Variants in ASTN2 observed in about 807,000 individuals in gnomAD.
The protein encoded by ASTN2 is astrotactin 2, also known as astrotactin-2.
In ASTN2, 54 loss-of-function variants were observed where a neutral mutation model predicts 139.8. The observed-to-expected ratio is 0.39, with a 90% CI of 0.31 to 0.48. The LOEUF is 0.48. ASTN2 is among the 20% of genes least tolerant of loss of function. The pLI, the probability that ASTN2 is intolerant of heterozygous loss-of-function variation, is 0.95. For missense variants in ASTN2, 1,565 were observed against 1,725.1 expected (o/e 0.91, Z 1.64); for synonymous variants, 756 against 719.5 (o/e 1.05, Z -0.81).
chr9:117,024,656 C>T (rs1838003064), intron 6 of ASTN2, among the ~76,000 whole-genome samples: 1 of 152,094 alleles, frequency 6.6e-6, no homozygotes, highest in African/African-American at 2.4e-5. Context: ...GGGATGCTCA[C>T]CTCCTCTGCA....
intron 19 of ASTN2, among the ~76,000 whole-genome samples, chr9:116,555,179 C>T (rs577338343): frequency 6.6e-6 from 1 of 152,250 alleles, no homozygotes; most frequent in African/African-American, 2.4e-5. Flanking sequence ...GGCTAAAGTG[C>T]CCTTTAACTT....
At chr9:117,359,443 G>A (rs76177637) in intron 1 of ASTN2, among the ~76,000 whole-genome samples, 1 of 152,302 alleles carries the variant, frequency 6.6e-6, no homozygotes, top group East Asian at 1.9e-4. Flanking sequence ...TCTTCACGAT[G>A]TATCTGTTGC....
chr9:116,436,271 G>A (rs971305060), intron 22 of ASTN2, among the ~76,000 whole-genome samples: 2 of 152,172 alleles, frequency 1.3e-5, no homozygotes, highest in African/African-American at 4.8e-5. Context: ...TTCCATCTGT[G>A]ATCTAAAGAT....
intron 4 of ASTN2, among the ~76,000 whole-genome samples, chr9:117,138,911 A>G (rs1379890671): frequency 6.6e-6 from 1 of 152,226 alleles, no homozygotes; most frequent in Non-Finnish European, 1.5e-5. Flanking sequence ...ATGATGAAAT[A>G]TTAGGAGCAG....
intron 10 of ASTN2, among the ~76,000 whole-genome samples, chr9:116,877,224 A>T (rs1185817640): frequency 2.0e-5 from 3 of 152,200 alleles, no homozygotes; most frequent in African/African-American, 7.2e-5. Flanking sequence ...CTCCTTTGTT[A>T]GGTGTGCTCT....
rs375283976 is a variant in ASTN2 at position 116,976,728 on chromosome 9, A to G, written c.1649T>C (p.Val550Ala). 9 of 1,613,976 alleles carry G rather than the reference A, an allele frequency of 5.6e-6. No individual in the cohort carries two copies. In the African/African-American group the frequency reaches 1.2e-4, roughly 22 times the overall value. ...TTCACTCTGTCCCCAGTCACTGCGC[A>G]CACACAGGTGTCTGTGAACAGGGTC... ...APDPVHRHLC[V>A]RSDWGQSEGP... Residue 550 changes from valine (V) to alanine (A), a missense_variant, in exon 8 of 23, where the codon GTG (valine) becomes GCG (alanine). Physicochemically the swap from Val to Ala is moderately conservative, Grantham distance 64. Transcript: ENST00000313400.
chr9:117,319,820 G>A (rs1828271871), intron 1 of ASTN2, among the ~76,000 whole-genome samples: 1 of 151,748 alleles, frequency 6.6e-6, no homozygotes, highest in South Asian at 2.1e-4. Flanking sequence ...AAAAAATGAG[G>A]CCAAGAGATC....
chr9:117,016,597 TATATATCTATATCTATATCTATCTATCTA>T (rs1837685177), intron 6 of ASTN2, among the ~76,000 whole-genome samples: 14 of 13,574 alleles, frequency 1.0e-3, no homozygotes, highest in Admixed American at 4.8e-3. Context: ...AGGTTTTATA[TATATATCTATATCTATATCTATCTATCTA>T]TATATATATA....
intron 16 of ASTN2, among the ~76,000 whole-genome samples, chr9:116,654,148 G>A (rs12002707): frequency 0.043 from 6,525 of 152,254 alleles, 495 homozygotes; most frequent in African/African-American, 0.15. Flanking sequence ...ATTAGCCCAC[G>A]CTCTGGCCTA....
Position 117,301,581 on chromosome 9 carries a change from C to A in ASTN2, c.443-10068G>T, listed in dbSNP as rs1834876428. Among the ~76,000 whole-genome samples, 3 of 152,196 alleles carry A rather than the reference C, an allele frequency of 2.0e-5. No individual in the cohort carries two copies. In the South Asian group the frequency reaches 6.2e-4, roughly 31 times the overall value. ...ATTCAGTGTTTTCACCACTGTCCTACATAGGCTGAGAAAGGAGCTTGCATA... is the reference window on the plus strand; with the variant it reads ...ATTCAGTGTTTTCACCACTGTCCTAAATAGGCTGAGAAAGGAGCTTGCATA... On this transcript the variant is annotated intron_variant, in intron 1 of 22. Coordinates refer to ENST00000313400, the MANE Select transcript of ASTN2 (RefSeq NM_001365068.1).
intron 20 of ASTN2, among the ~76,000 whole-genome samples, chr9:116,480,347 G>T (rs1262282992): frequency 6.6e-6 from 1 of 152,176 alleles, no homozygotes; most frequent in Non-Finnish European, 1.5e-5. Flanking sequence ...CTGAATATTT[G>T]GTGAGAAAGT....
At chr9:116,523,968 G>A (rs1850986216) in intron 19 of ASTN2, among the ~76,000 whole-genome samples, 1 of 152,184 alleles carries the variant, frequency 6.6e-6, no homozygotes, top group Non-Finnish European at 1.5e-5. Context: ...TATGGCCAGT[G>A]CTGGGTGAAT....
At chr9:117,098,461 T>C (rs1298143711) in intron 4 of ASTN2, among the ~76,000 whole-genome samples, 1 of 152,154 alleles carries the variant, frequency 6.6e-6, no homozygotes. Flanking sequence ...CCATCCTTCC[T>C]TAAGACGGTA....
chr9:117,100,267 T>G (rs2132762694), intron 4 of ASTN2, among the ~76,000 whole-genome samples: 1 of 152,348 alleles, frequency 6.6e-6, no homozygotes, highest in East Asian at 1.9e-4. Flanking sequence ...TTCTGACCTT[T>G]ATTCCCTTCT....
chr9:117,104,480 A>C (rs914418980), intron 4 of ASTN2, among the ~76,000 whole-genome samples: 3 of 151,336 alleles, frequency 2.0e-5, no homozygotes, highest in Non-Finnish European at 2.9e-5. Flanking sequence ...TATGTAATAA[A>C]AATAAAGAAG....
chr9:116,501,079 T>A (rs1164989989), intron 19 of ASTN2, among the ~76,000 whole-genome samples: 4 of 152,178 alleles, frequency 2.6e-5, no homozygotes, highest in African/African-American at 4.8e-5. Context: ...ATAGCTGGGA[T>A]ATCTTCAGTA....
In ASTN2 at chr9:116,702,694, C is replaced by G. The variant is rs546354326; in HGVS notation, c.2806+23077G>C. Among the ~76,000 whole-genome samples, 43 of 152,168 alleles carry G rather than the reference C, an allele frequency of 2.8e-4. 1 individual carries two copies. The Middle Eastern group carries it at 0.024, about 84-fold the overall frequency. On this transcript the variant is annotated intron_variant, in intron 16 of 22. Transcript: ENST00000313400. ...GATAAAAAAGGATACTCAGACAAGC[C>G]CTTTTATAAGGTGTTTAAAAGCTAG... is the stretch of plus-strand genomic sequence containing the variant.
chr9:117,395,048 T>C (rs962355750), intron 1 of ASTN2, among the ~76,000 whole-genome samples: 2 of 152,172 alleles, frequency 1.3e-5, no homozygotes, highest in Non-Finnish European at 2.9e-5. Flanking sequence ...GACAGAAAGC[T>C]GTATGGGACC....
chr9:117,083,429 G>T (rs953881696), intron 5 of ASTN2, among the ~76,000 whole-genome samples: 2 of 152,102 alleles, frequency 1.3e-5, no homozygotes, highest in African/African-American at 4.8e-5. Flanking sequence ...ACATTTACTT[G>T]CCCAAAATCT....
Sources: allele counts gnomAD v4.1 joint callset (sites outside exome capture counted in the v4.1 genomes callset), GRCh38; gene constraint gnomAD v4.1.1; transcripts MANE v1.5; gene names NCBI Gene and HGNC (gene_info 2026-07-23, HGNC 2026-07-21).